The following ADAP1 variants were observed in gnomAD, a reference collection of about 807,000 sequenced individuals.
ADAP1 encodes the protein ArfGAP with dual PH domains 1.
In ADAP1, 31 loss-of-function variants were observed where a neutral mutation model predicts 54.9. That is an observed-to-expected ratio of 0.56 (90% confidence interval 0.42 to 0.76). The LOEUF is 0.76. Among genes scored for constraint, ADAP1 ranks in the 30% least tolerant of loss-of-function variants. The pLI, the probability that ADAP1 is intolerant of heterozygous loss-of-function variation, is 0.00. For synonymous variants in ADAP1, 313 were observed against 202.6 expected (o/e 1.55, Z -4.63); for missense variants, 535 against 512.4 (o/e 1.04, Z -0.42).
At chr7:934,428 G>A (rs910090199) in intron 2 of ADAP1, among the ~76,000 whole-genome samples, 14 of 151,984 alleles carry the variant, frequency 9.2e-5, no homozygotes, top group Admixed American at 7.9e-4. Flanking sequence ...AGAGGGGAGA[G>A]ACATGTACAG....
At chr7:918,656 C>T (rs192140014) in intron 4 of ADAP1, among the ~76,000 whole-genome samples, 28 of 152,320 alleles carry the variant, frequency 1.8e-4, no homozygotes, top group Non-Finnish European at 2.6e-4. Flanking sequence ...CTTTGGACCC[C>T]GCCCTGCCCG....
At chr7:912,762 G>A (rs753193780) in intron 4 of ADAP1, among the ~76,000 whole-genome samples, 5 of 150,586 alleles carry the variant, frequency 3.3e-5, no homozygotes, top group East Asian at 3.9e-4. Context: ...GTGCAATGGC[G>A]CGATCTCGGC....
At chr7:910,987 C>G (rs77915771) in intron 4 of ADAP1, among the ~76,000 whole-genome samples, 3,134 of 152,290 alleles carry the variant, frequency 0.021, 84 homozygotes, top group East Asian at 0.12. Context: ...CCTCTGTGAG[C>G]CCGCACAGGG....
In ADAP1 at chr7:920,018, T is replaced by C; in HGVS notation, c.338A>G (p.Tyr113Cys). The C allele has an allele frequency of 1.2e-6, 2 of 1,607,618 alleles. No individual in the cohort carries two copies. Among genetic ancestry groups the C allele is most frequent in the African/African-American group, 1.3e-5 (1 of 74,840 alleles). ...CGGGTAGATGAACTCCTGTCGCTCG[T>C]ACTTGGCCCGGATCCACTGCTCTCG... ...LLREQWIRAKYERQEFIYPEK... is the reference protein window; with the variant it reads ...LLREQWIRAKCERQEFIYPEK... The change falls in exon 4 of 11, where the codon TAC (tyrosine) becomes TGC (cysteine). Residue 113 changes from tyrosine to cysteine, a missense_variant. Transcript: ENST00000265846. The surrounding 1 kb of genome is among the most constrained non-coding windows in gnomAD (Gnocchi z 4.5).
At chr7:917,645 T>C (rs2128103713) in intron 4 of ADAP1, among the ~76,000 whole-genome samples, 1 of 152,288 alleles carries the variant, frequency 6.6e-6, no homozygotes, top group South Asian at 2.1e-4. Flanking sequence ...TTGTATTTTT[T>C]ACTAGAAACA....
In ADAP1 at chr7:943,913, A is replaced by T. The variant is rs117017502; in HGVS notation, c.83-8408T>A. Among the ~76,000 whole-genome samples the T allele has an allele frequency of 4.5e-4, 69 of 151,702 alleles. No individual in the cohort carries two copies. The East Asian group carries it at 0.012, about 26-fold the overall frequency. On this transcript the variant is annotated intron_variant, in intron 1 of 10. Coordinates refer to ENST00000265846, the MANE Select transcript of ADAP1 (RefSeq NM_006869.4). ...GAGAGAAATTGACCTCATCAGAATT[A>T]TTACTATTATTATTATTATTGAGAC...
At chr7:905,012 G>C (rs1026262623) in intron 5 of ADAP1, 48 bp downstream of exon 5, 41 of 1,550,814 alleles carry the variant, frequency 2.6e-5, no homozygotes, top group Non-Finnish European at 3.6e-5. Context: ...GGGAGGCCGG[G>C]ATGCCGCCCT....
Position 923,590 on chromosome 7 carries a change from C to G in ADAP1, c.305+2963G>C, listed in dbSNP as rs762419956. 5.3e-4 allele frequency among the ~76,000 whole-genome samples: 81 copies of G among 152,060 alleles called. 1 individual carries two copies. Among genetic ancestry groups the G allele is most frequent in the Non-Finnish European group, 6.6e-4 (45 of 68,004 alleles). On this transcript the variant is annotated intron_variant, in intron 3 of 10. Transcript: ENST00000265846. ...ACACGAGACCCTCTGCCCTCCCCTG[C>G]GGGTGCAGCCTCCCCTCTTATAGCT...
At chr7:899,679 C>G (rs1844687404) in intron 8 of ADAP1, among the ~76,000 whole-genome samples, 189 bp from the exon 9 acceptor site, 2 of 152,176 alleles carry the variant, frequency 1.3e-5, no homozygotes, top group South Asian at 4.1e-4. Flanking sequence ...CCACACGGCA[C>G]CTCCCTCCTG....
chr7:947,607 G>A (rs1353657587), intron 1 of ADAP1, among the ~76,000 whole-genome samples: 2 of 151,896 alleles, frequency 1.3e-5, no homozygotes, highest in Non-Finnish European at 1.5e-5. Context: ...ACCACACCCC[G>A]ACATCCCGTT....
At chr7:935,013 T>C in intron 2 of ADAP1, 2 of 388,590 alleles carry the variant, frequency 5.1e-6, no homozygotes, top group Non-Finnish European at 1.0e-5. Flanking sequence ...CGCTGCATTC[T>C]GTTTCCTTAG....
chr7:921,016 C>G, intron 3 of ADAP1: 1 of 684,832 alleles, frequency 1.5e-6, no homozygotes, highest in Non-Finnish European at 2.4e-6. Flanking sequence ...TCTCTGGCCC[C>G]TGGCCCCAGG....
intron 1 of ADAP1, among the ~76,000 whole-genome samples, chr7:942,589 G>T (rs796829275): frequency 0.015 from 750 of 50,122 alleles, no homozygotes; most frequent in South Asian, 0.031. Flanking sequence ...GGAGAGAGGA[G>T]GAGGAAGGGA....
intron 4 of ADAP1, among the ~76,000 whole-genome samples, chr7:906,703 GGGGGACGGGACATC>G (rs1361393846): frequency 2.4e-4 from 8 of 32,738 alleles, no homozygotes; most frequent in Admixed American, 3.4e-4. Context: ...ACATGGACAT[GGGGGACGGGACATC>G]GGGGACGGGA....
chr7:922,342 G>A (rs573400777), intron 3 of ADAP1, among the ~76,000 whole-genome samples: 1 of 152,298 alleles, frequency 6.6e-6, no homozygotes, highest in East Asian at 1.9e-4. Flanking sequence ...GGTCAGGTGG[G>A]TCCCCTCAAC....
intron 6 of ADAP1, 86 bp from the exon 7 acceptor site, chr7:900,702 G>GCTGGGGTCCCCACAGAGGGT: frequency 8.3e-7 from 1 of 1,198,824 alleles, no homozygotes; most frequent in African/African-American, 1.5e-5. Context: ...CCACAGAGGG[G>GCTGGGGTCCCCACAGAGGGT]CCGCTTCCCC....
rs1168704349 is a variant in ADAP1, at chr7:926,267, G to T, written c.305+286C>A. Among the ~76,000 whole-genome samples the T allele has an allele frequency of 2.0e-5, 3 of 151,354 alleles. No individual in the cohort carries two copies. Among genetic ancestry groups the T allele is most frequent in the Non-Finnish European group, 4.4e-5 (3 of 67,756 alleles). Reference sequence around the variant, plus strand: ...CAGGAGCACCTGGGAGGGCCCCTCAGATCCACCCGAGACCCCCAAGGCCTC... The same window carrying T: ...CAGGAGCACCTGGGAGGGCCCCTCATATCCACCCGAGACCCCCAAGGCCTC... On this transcript the variant is annotated intron_variant, in intron 3 of 10. Coordinates refer to ENST00000265846, the MANE Select transcript of ADAP1 (RefSeq NM_006869.4). The surrounding 1 kb of genome is among the most constrained non-coding windows in gnomAD (Gnocchi z 4.6).
At chr7:944,954 C>A (rs1324738303) in intron 1 of ADAP1, among the ~76,000 whole-genome samples, 1 of 152,120 alleles carries the variant, frequency 6.6e-6, no homozygotes, top group Non-Finnish European at 1.5e-5. Flanking sequence ...CCTCTGGTCT[C>A]TGGGAGAGTG....
At chr7:909,002 CCAG>C (rs1357939128) in intron 4 of ADAP1, among the ~76,000 whole-genome samples, 7 of 151,988 alleles carry the variant, frequency 4.6e-5, no homozygotes, top group Non-Finnish European at 7.3e-5. Context: ...CCCGCCGCGC[CCAG>C]CAGGTGACAG....
Sources: allele counts gnomAD v4.1 joint callset (sites outside exome capture counted in the v4.1 genomes callset), GRCh38; gene constraint gnomAD v4.1.1; non-coding constraint Gnocchi (gnomAD v3.1); transcripts MANE v1.5; gene names NCBI Gene and HGNC (gene_info 2026-07-23, HGNC 2026-07-21).